The following FBXL4 variants were observed in gnomAD, a reference collection of about 807,000 sequenced individuals.
The protein encoded by FBXL4 is F-box and leucine rich repeat protein 4.
FBXL4 carries 40 observed loss-of-function variants against 58.9 expected under a neutral mutation model. The ratio of observed to expected loss-of-function variants is 0.68; its 90% CI spans 0.53 to 0.88. The LOEUF (loss-of-function observed/expected upper bound fraction) is 0.88. Among genes scored for constraint, FBXL4 ranks in the 40% least tolerant of loss-of-function variants. FBXL4 has a pLI of 0.00. For missense variants in FBXL4, 676 were observed against 734.4 expected (o/e 0.92, Z 0.92); for synonymous variants, 263 against 265.5 (o/e 0.99, Z 0.09).
chr6:98,915,488 C>T (rs1404795018), intron 5 of FBXL4, among the ~76,000 whole-genome samples: 1 of 151,432 alleles, frequency 6.6e-6, no homozygotes, highest in East Asian at 1.9e-4. Context: ...ATCAATGGAA[C>T]AGAACAGAGC....
At chr6:98,882,666 A>G (rs1219143317) in intron 7 of FBXL4, among the ~76,000 whole-genome samples, 1 of 152,030 alleles carries the variant, frequency 6.6e-6, no homozygotes, top group Non-Finnish European at 1.5e-5. Context: ...ACATTTTTGT[A>G]TCCCTCCATC....
At chr6:98,884,591 G>A (rs975164931) in intron 7 of FBXL4, among the ~76,000 whole-genome samples, 3 of 152,062 alleles carry the variant, frequency 2.0e-5, no homozygotes, top group Non-Finnish European at 4.4e-5. Flanking sequence ...TTCCTCTGCA[G>A]GTAATATATC....
intron 7 of FBXL4, among the ~76,000 whole-genome samples, chr6:98,887,782 G>C (rs950525040): frequency 2.6e-5 from 4 of 152,186 alleles, no homozygotes; most frequent in African/African-American, 9.6e-5. Context: ...GACCTTGGAA[G>C]AGATACTGTG....
chr6:98,902,678 A>G (rs1274826584), intron 6 of FBXL4, among the ~76,000 whole-genome samples: 1 of 152,084 alleles, frequency 6.6e-6, no homozygotes, highest in Non-Finnish European at 1.5e-5. Context: ...CATTCAGCAA[A>G]TATTTGAAGA....
intron 7 of FBXL4, chr6:98,897,511 G>A (rs955863692): frequency 4.3e-6 from 1 of 233,306 alleles, no homozygotes; most frequent in African/African-American, 2.3e-5. Flanking sequence ...CAGGTCACCT[G>A]TTGAAGCCTA....
At chr6:98,920,469 A>C (rs976710663) in intron 4 of FBXL4, among the ~76,000 whole-genome samples, 1 of 152,156 alleles carries the variant, frequency 6.6e-6, no homozygotes, top group Admixed American at 6.5e-5. Flanking sequence ...ATGTCTAAAT[A>C]TTAAAAATTT....
chr6:98,934,041 T>C (rs1773108936), intron 2 of FBXL4, among the ~76,000 whole-genome samples: 2 of 152,158 alleles, frequency 1.3e-5, no homozygotes, highest in African/African-American at 4.8e-5. Context: ...ATGAAAAAAG[T>C]AGTAACTTCT....
At chr6:98,884,779 T>C (rs1398572740) in intron 7 of FBXL4, among the ~76,000 whole-genome samples, 9 of 152,232 alleles carry the variant, frequency 5.9e-5, no homozygotes. Context: ...CTTCAAATAT[T>C]ACTTTTCTAC....
At chr6:98,941,751 T>C (rs1562254147) in intron 1 of FBXL4, among the ~76,000 whole-genome samples, 1 of 152,176 alleles carries the variant, frequency 6.6e-6, no homozygotes, top group African/African-American at 2.4e-5. Flanking sequence ...AACATAGATC[T>C]GCATTTATAT....
chr6:98,875,307 A>G, intron 9 of FBXL4, 108 bp downstream of exon 9: 1 of 1,017,162 alleles, frequency 9.8e-7, no homozygotes, highest in Non-Finnish European at 1.5e-6. Context: ...ATCAGGATAA[A>G]ATTTTTATTG....
chr6:98,936,688 T>C (rs1773231533), intron 1 of FBXL4, among the ~76,000 whole-genome samples: 1 of 152,198 alleles, frequency 6.6e-6, no homozygotes, highest in Non-Finnish European at 1.5e-5. Flanking sequence ...ATATAACATA[T>C]AAAACATATA....
intron 3 of FBXL4, among the ~76,000 whole-genome samples, chr6:98,927,445 ATTGC>A (rs1772834285): frequency 1.3e-5 from 2 of 152,306 alleles, no homozygotes; most frequent in East Asian, 3.9e-4. Flanking sequence ...AATCTTAGAC[ATTGC>A]TGTAATTTTA....
chr6:98,882,723 T>C (rs1166298851), intron 7 of FBXL4, among the ~76,000 whole-genome samples: 2 of 152,056 alleles, frequency 1.3e-5, no homozygotes, highest in Non-Finnish European at 2.9e-5. Context: ...ACTTGGTGTT[T>C]AAAACATGCT....
intron 2 of FBXL4, among the ~76,000 whole-genome samples, chr6:98,931,483 A>C (rs1219239728): frequency 1.3e-5 from 2 of 152,230 alleles, no homozygotes; most frequent in African/African-American, 4.8e-5. Flanking sequence ...GATAAAAATA[A>C]TATTTAATGC....
In FBXL4 at chr6:98,919,467, C is replaced by A. The variant is rs555511982; in HGVS notation, c.513-1748G>T. ...TGGATAAATTAGTTACACCCTATAACCAATCTTGCAAGGCAGGGAAAGAGT... is the reference window on the plus strand; with the variant it reads ...TGGATAAATTAGTTACACCCTATAAACAATCTTGCAAGGCAGGGAAAGAGT... On this transcript the variant is annotated intron_variant, in intron 4 of 9. Coordinates refer to ENST00000369244, the MANE Select transcript of FBXL4 (RefSeq NM_001278716.2). Among the ~76,000 whole-genome samples, 6 of 152,266 alleles carry A rather than the reference C, an allele frequency of 3.9e-5. 1 individual carries two copies. Among genetic ancestry groups the A allele is most frequent in the African/African-American group, 1.4e-4 (6 of 41,560 alleles).
intron 8 of FBXL4, among the ~76,000 whole-genome samples, chr6:98,876,427 C>T (rs1357366671): frequency 6.6e-6 from 1 of 151,992 alleles, no homozygotes; most frequent in African/African-American, 2.4e-5. Flanking sequence ...TTTGATTTTG[C>T]TAAAATCAGA....
chr6:98,884,010 T>A (rs1028985522), intron 7 of FBXL4, among the ~76,000 whole-genome samples: 2 of 151,930 alleles, frequency 1.3e-5, no homozygotes, highest in Non-Finnish European at 2.9e-5. Flanking sequence ...ATTTTATCAA[T>A]TTCTGTGTCA....
chr6:98,877,803 T>C (rs1396907718), intron 8 of FBXL4, among the ~76,000 whole-genome samples: 3 of 152,178 alleles, frequency 2.0e-5, no homozygotes, highest in Non-Finnish European at 4.4e-5. Context: ...TTAAATTACT[T>C]CAATCAGCAT....
intron 4 of FBXL4, among the ~76,000 whole-genome samples, chr6:98,925,548 A>G (rs1267928353): frequency 6.6e-6 from 1 of 152,244 alleles, no homozygotes; most frequent in Non-Finnish European, 1.5e-5. Context: ...ATTAATGTTT[A>G]TAAGAGCAAA....
Sources: gnomAD v4.1 joint callset for allele counts (sites outside exome capture counted in the v4.1 genomes callset) on GRCh38, gnomAD v4.1.1 for gene constraint, MANE v1.5 for transcripts, NCBI Gene and HGNC (gene_info 2026-07-23, HGNC 2026-07-21) for gene names.